Variants in C12orf42 observed in about 807,000 individuals in gnomAD.
The protein encoded by C12orf42 is chromosome 12 open reading frame 42, also known as uncharacterized protein C12orf42.
In C12orf42, 25 loss-of-function variants were observed where a neutral mutation model predicts 21.6. That is an observed-to-expected ratio of 1.16 (90% CI 0.84 to 1.62). The LOEUF is 1.62. C12orf42 is among the 40% of genes most tolerant of loss of function. The pLI, the probability that C12orf42 is intolerant of heterozygous loss-of-function variation, is 0.00. For missense variants in C12orf42, 483 were observed against 459.3 expected, an observed-to-expected ratio of 1.05 and a Z score of -0.47; for synonymous variants, 174 against 175.0, an observed-to-expected ratio of 0.99 and a Z score of 0.05.
chr12:103,306,482 A>G (rs540944571), intron 4 of C12orf42, 137 bp from the exon 5 acceptor site: 1 of 1,028,188 alleles, frequency 9.7e-7, no homozygotes, highest in East Asian at 2.6e-5. Context: ...AAAATGACAG[A>G]CTAGGGTAGC....
At chr12:103,309,766 C>A (rs552263789) in intron 4 of C12orf42, among the ~76,000 whole-genome samples, 31 of 152,314 alleles carry the variant, frequency 2.0e-4, no homozygotes, top group African/African-American at 7.5e-4. Context: ...AAACTTGTAG[C>A]AAGACACATA....
chr12:103,251,547 T>C (rs1277694799), intron 10 of C12orf42, among the ~76,000 whole-genome samples: 1 of 152,200 alleles, frequency 6.6e-6, no homozygotes, highest in Non-Finnish European at 1.5e-5. Context: ...TAGCATGTTT[T>C]ACATCTCCCA....
At chr12:103,081,320 A>G in the C12orf42 span, 14 of 152,348 alleles carry the variant, frequency 9.2e-5, no homozygotes, top group African/African-American at 3.4e-4. Flanking sequence ...AATCTTCTCG[A>G]AAATCGCTCT....
chr12:103,419,659 C>T (rs578136052), intron 2 of C12orf42, among the ~76,000 whole-genome samples: 1 of 152,148 alleles, frequency 6.6e-6, no homozygotes, highest in Non-Finnish European at 1.5e-5. Flanking sequence ...CTTGCCAGTC[C>T]TTCAGATCTA....
At chr12:103,560,847 T>C in the C12orf42 span, among the ~76,000 whole-genome samples, 1 of 152,204 alleles carries the variant, frequency 6.6e-6, no homozygotes, top group Non-Finnish European at 1.5e-5. Context: ...GTACACAGTA[T>C]ATGGTGCCAT....
the C12orf42 span, among the ~76,000 whole-genome samples, chr12:103,057,967 T>C: frequency 6.6e-6 from 1 of 152,032 alleles, no homozygotes; most frequent in African/African-American, 2.4e-5. Flanking sequence ...TGAGCTTTTT[T>C]TTTTTTTTTG....
At chr12:103,150,939 G>T in the C12orf42 span, among the ~76,000 whole-genome samples, 6 of 152,148 alleles carry the variant, frequency 3.9e-5, no homozygotes, top group East Asian at 1.2e-3. Flanking sequence ...ACATCGGAAG[G>T]GAGTGTATCT....
chr12:103,093,993 G>A, the C12orf42 span, among the ~76,000 whole-genome samples: 9 of 152,120 alleles, frequency 5.9e-5, no homozygotes, highest in African/African-American at 2.2e-4. Flanking sequence ...TGGTGCTGTG[G>A]GAGGAAAAGT....
intron 3 of C12orf42, among the ~76,000 whole-genome samples, chr12:103,397,036 G>C (rs2047595985): frequency 6.6e-6 from 1 of 152,112 alleles, no homozygotes; most frequent in South Asian, 2.1e-4. Context: ...ATCTCAAATG[G>C]TTCTAAACTG....
At chr12:103,294,411 A>AAGAAAGAAAGAG (rs777688141) in intron 4 of C12orf42, among the ~76,000 whole-genome samples, 1 of 139,088 alleles carries the variant, frequency 7.2e-6, no homozygotes, top group Non-Finnish European at 1.5e-5. Context: ...GAAAGAAAGA[A>AAGAAAGAAAGAG]AGAGAGAAAG....
At chr12:103,529,091 T>C in the C12orf42 span, among the ~76,000 whole-genome samples, 1 of 152,088 alleles carries the variant, frequency 6.6e-6, no homozygotes, top group African/African-American at 2.4e-5. Context: ...CATTGCAAAC[T>C]ATACCATGAA....
intron 4 of C12orf42, among the ~76,000 whole-genome samples, chr12:103,318,690 T>A (rs1391731340): frequency 6.6e-6 from 1 of 152,148 alleles, no homozygotes; most frequent in East Asian, 1.9e-4. Context: ...CCCTTTCCTT[T>A]CTCCTGCCCC....
At chr12:103,325,019 G>A (rs1012055998) in intron 4 of C12orf42, among the ~76,000 whole-genome samples, 3 of 152,178 alleles carry the variant, frequency 2.0e-5, no homozygotes, top group African/African-American at 7.2e-5. Flanking sequence ...TCTGTAAAAG[G>A]GAGCTCCTGA....
chr12:103,327,411 A>G (rs1259547467), intron 4 of C12orf42, among the ~76,000 whole-genome samples: 3 of 152,260 alleles, frequency 2.0e-5, no homozygotes, highest in Non-Finnish European at 4.4e-5. Context: ...CTGATACAAA[A>G]AAAATCTAAA....
At chr12:103,336,350 T>C (rs1311129277) in intron 4 of C12orf42, among the ~76,000 whole-genome samples, 2 of 152,214 alleles carry the variant, frequency 1.3e-5, no homozygotes, top group East Asian at 3.8e-4. Context: ...TTCCACACAC[T>C]TTTAGTCAGA....
the C12orf42 span, among the ~76,000 whole-genome samples, chr12:103,200,767 T>C: frequency 6.6e-6 from 1 of 152,238 alleles, no homozygotes; most frequent in Admixed American, 6.5e-5. Context: ...CAACTAAATA[T>C]AACTAAGTTT....
At chr12:103,394,118 A>G (rs1046618855) in intron 3 of C12orf42, among the ~76,000 whole-genome samples, 1 of 152,206 alleles carries the variant, frequency 6.6e-6, no homozygotes, top group Admixed American at 6.5e-5. Flanking sequence ...CTCATACTTA[A>G]ATGCCCAAAG....
chr12:103,056,035 C>T, the C12orf42 span, among the ~76,000 whole-genome samples: 1 of 152,096 alleles, frequency 6.6e-6, no homozygotes, highest in African/African-American at 2.4e-5. Context: ...GTGTTCTATA[C>T]ATAGCGATTA....
the C12orf42 span, among the ~76,000 whole-genome samples, chr12:103,177,870 T>A: frequency 1.6e-5 from 2 of 122,688 alleles, no homozygotes; most frequent in African/African-American, 2.7e-5. Flanking sequence ...TGTGTGTGTG[T>A]GTGTGCGCGC....
Sources: gnomAD v4.1 joint callset for allele counts (sites outside exome capture counted in the v4.1 genomes callset) on GRCh38, gnomAD v4.1.1 for gene constraint, MANE v1.5 for transcripts, NCBI Gene and HGNC (gene_info 2026-07-23, HGNC 2026-07-21) for gene names.